DCUN1D4: variants seen among roughly 807,000 people sequenced by gnomAD.
DCUN1D4 encodes the protein DCN1-like protein 4.
A neutral mutation model predicts 47.9 loss-of-function variants in DCUN1D4; 22 were observed. The ratio of observed to expected loss-of-function variants is 0.46; its 90% CI spans 0.33 to 0.66. The LOEUF (loss-of-function observed/expected upper bound fraction) is 0.66. Among genes scored for constraint, DCUN1D4 ranks in the 30% least tolerant of loss-of-function variants. The probability of loss-of-function intolerance (pLI) is 0.02; values close to 1 mark genes in which losing one functional copy is unlikely to be tolerated. For synonymous variants in DCUN1D4, 121 were observed against 112.2 expected (o/e 1.08, Z -0.50); for missense variants, 301 against 340.8 (o/e 0.88, Z 0.92).
At chr4:51,844,369 C>T in intron 1 of DCUN1D4, 1 of 984,782 alleles carries the variant, frequency 1.0e-6, no homozygotes, top group Non-Finnish European at 1.2e-6. Context: ...TTGGAACTGG[C>T]CGTGGTTCCC....
intron 1 of DCUN1D4, among the ~76,000 whole-genome samples, chr4:51,859,590 AT>A (rs200617725): frequency 1.2e-5 from 1 of 83,580 alleles, no homozygotes; most frequent in Non-Finnish European, 2.4e-5. Flanking sequence ...AATGGCATTC[AT>A]TTTTTTTTCT....
chr4:51,877,887 C>A, intron 5 of DCUN1D4, 33 bp downstream of exon 5: 6 of 1,399,764 alleles, frequency 4.3e-6, no homozygotes, highest in Non-Finnish European at 5.9e-6. Context: ...TAAGACTGAT[C>A]CTTATGACAA....
At chr4:51,889,423 A>G (rs992489211) in intron 6 of DCUN1D4, among the ~76,000 whole-genome samples, 26 of 152,210 alleles carry the variant, frequency 1.7e-4, no homozygotes, top group East Asian at 9.6e-4. Flanking sequence ...ATTCAAGTCT[A>G]TGTTCATTTA....
Position 51,916,663 on chromosome 4 carries a change from G to A in DCUN1D4, c.*3079G>A, listed in dbSNP as rs1024530773. 2.0e-5 allele frequency: 3 copies of A among 152,486 alleles called. No individual in the cohort carries two copies. Among genetic ancestry groups the A allele is most frequent in the African/African-American group, 7.2e-5 (3 of 41,406 alleles). The allele number at this position is 152,486 out of a possible 1,614,324, so 9.4% of individuals were successfully genotyped here. Reference sequence around the variant, plus strand: ...GGTAACCTATAACTGTGAATGCTTCGTGTCGTCAGTATTTGCATTACATTC... The same window carrying A: ...GGTAACCTATAACTGTGAATGCTTCATGTCGTCAGTATTTGCATTACATTC... On this transcript the variant is annotated 3_prime_UTR_variant, in exon 11 of 11. Transcript: ENST00000334635.
intron 3 of DCUN1D4, among the ~76,000 whole-genome samples, chr4:51,869,450 C>T (rs1251093385): frequency 2.0e-5 from 3 of 152,082 alleles, no homozygotes; most frequent in African/African-American, 7.2e-5. Flanking sequence ...TGAAACAAGG[C>T]TGTGATACAA....
the DCUN1D4 span, among the ~76,000 whole-genome samples, chr4:51,834,715 G>A: frequency 2.0e-5 from 3 of 152,120 alleles, no homozygotes; most frequent in Admixed American, 6.5e-5. Flanking sequence ...CACCCACCAA[G>A]AGCCATGGTC....
chr4:51,898,017 A>T (rs945554009), intron 7 of DCUN1D4, among the ~76,000 whole-genome samples: 6 of 152,366 alleles, frequency 3.9e-5, no homozygotes, highest in African/African-American at 9.6e-5. Context: ...TGATTCAGGC[A>T]GGTATCACCA....
intron 5 of DCUN1D4, chr4:51,884,181 A>G: frequency 6.6e-6 from 1 of 152,170 alleles, no homozygotes; most frequent in East Asian, 1.9e-4. Context: ...CTTTGGCCAG[A>G]TTATGAGGAA....
chr4:51,897,622 A>G (rs962772356), intron 7 of DCUN1D4, among the ~76,000 whole-genome samples: 1 of 151,634 alleles, frequency 6.6e-6, no homozygotes, highest in African/African-American at 2.4e-5. Flanking sequence ...TAAACACTGT[A>G]TCACTTACTG....
At chr4:51,889,564 T>TTG (rs200052009) in intron 6 of DCUN1D4, among the ~76,000 whole-genome samples, 8 of 152,094 alleles carry the variant, frequency 5.3e-5, no homozygotes, top group Non-Finnish European at 1.2e-4. Flanking sequence ...TCATTCATGC[T>TTG]TGTGTGTGTG....
intron 1 of DCUN1D4, among the ~76,000 whole-genome samples, chr4:51,847,309 A>G (rs1722705096): frequency 6.6e-6 from 1 of 152,244 alleles, no homozygotes; most frequent in Non-Finnish European, 1.5e-5. Flanking sequence ...AAAAATTTAT[A>G]TATAGACTTG....
rs1734134135 is a variant in DCUN1D4, at chr4:51,914,493, C to T, written c.*909C>T. ...TTTTGCTGGCTGTTTATAACTGCATCGCACTTCTAGTTGTGGCTTGAATTT... is the reference window on the plus strand; with the variant it reads ...TTTTGCTGGCTGTTTATAACTGCATTGCACTTCTAGTTGTGGCTTGAATTT... On this transcript the variant is annotated 3_prime_UTR_variant, in exon 11 of 11. Coordinates refer to ENST00000334635, the MANE Select transcript of DCUN1D4 (RefSeq NM_001040402.3). 6.6e-6 allele frequency: 1 copy of T among 152,578 alleles called. No homozygotes were observed. The highest frequency in any genetic ancestry group is 6.6e-5 in the Admixed American group (1 of 15,264). 9.5% of individuals were successfully genotyped at this position (152,578 alleles called of 1,614,324 possible).
chr4:51,893,141 C>T (rs1299200030), intron 7 of DCUN1D4, among the ~76,000 whole-genome samples: 1 of 152,156 alleles, frequency 6.6e-6, no homozygotes, highest in African/African-American at 2.4e-5. Context: ...GTGAATGTGG[C>T]AGAGATGGGA....
chr4:51,908,124 A>T (rs1733170770), intron 8 of DCUN1D4, among the ~76,000 whole-genome samples: 1 of 152,196 alleles, frequency 6.6e-6, no homozygotes, highest in Non-Finnish European at 1.5e-5. Flanking sequence ...TTGCAGCTGT[A>T]CTATATCATT....
chr4:51,888,566 C>T (rs1729900652), intron 6 of DCUN1D4, among the ~76,000 whole-genome samples: 1 of 151,104 alleles, frequency 6.6e-6, no homozygotes, highest in Admixed American at 6.6e-5. Flanking sequence ...TAAGGCGAAA[C>T]CCCGTCTCTA....
chr4:51,870,137 C>T (rs923028507), intron 3 of DCUN1D4, among the ~76,000 whole-genome samples: 3 of 152,088 alleles, frequency 2.0e-5, no homozygotes, highest in Non-Finnish European at 4.4e-5. Context: ...GTTAAAATAG[C>T]TCATTTTCTG....
At chr4:51,879,892 T>C (rs1415335190) in intron 5 of DCUN1D4, among the ~76,000 whole-genome samples, 2 of 152,212 alleles carry the variant, frequency 1.3e-5, no homozygotes, top group Non-Finnish European at 2.9e-5. Context: ...AAGGTGTGAC[T>C]TTTCTTCTTG....
chr4:51,861,162 G>A (rs776296775), intron 1 of DCUN1D4, among the ~76,000 whole-genome samples: 12 of 152,304 alleles, frequency 7.9e-5, no homozygotes, highest in Non-Finnish European at 1.5e-4. Flanking sequence ...CTTTACAGAT[G>A]AGAAAATTGG....
intron 1 of DCUN1D4, among the ~76,000 whole-genome samples, chr4:51,851,975 T>G (rs1355751421): frequency 2.0e-5 from 3 of 152,230 alleles, no homozygotes; most frequent in Non-Finnish European, 4.4e-5. Flanking sequence ...TGTTTGTGCT[T>G]TTCATTGAAC....
Sources: gnomAD v4.1 joint callset for allele counts (sites outside exome capture counted in the v4.1 genomes callset) on GRCh38, gnomAD v4.1.1 for gene constraint, MANE v1.5 for transcripts, NCBI Gene and HGNC (gene_info 2026-07-23, HGNC 2026-07-21) for gene names.